HECTD2: variants seen among roughly 807,000 people sequenced by gnomAD.
HECTD2 encodes HECT domain E3 ubiquitin protein ligase 2, also known as probable E3 ubiquitin-protein ligase HECTD2.
A neutral mutation model predicts 103.2 loss-of-function variants in HECTD2; 35 were observed. The observed-to-expected ratio is 0.34, with a 90% CI of 0.26 to 0.45. The LOEUF is 0.45. Among genes scored for constraint, HECTD2 ranks in the 20% least tolerant of loss-of-function variants. HECTD2 has a pLI of 1.00. For missense variants in HECTD2, 596 were observed against 937.4 expected, an observed-to-expected ratio of 0.64 and a Z score of 4.76; for synonymous variants, 281 against 329.9, an observed-to-expected ratio of 0.85 and a Z score of 1.61.
At chr10:91,409,623 G>A (rs1842833074), upstream of HECTD2, among the ~76,000 whole-genome samples, 2 of 151,974 alleles carry the variant, frequency 1.3e-5, no homozygotes, top group Admixed American at 1.3e-4. Flanking sequence ...GGAAAGGGGG[G>A]GCCCACCACG....
Position 91,492,334 on chromosome 10 carries a change from T to C in HECTD2, c.1300-18T>C, listed in dbSNP as rs937209551. The C allele has an allele frequency of 5.6e-6, 9 of 1,606,490 alleles. No individual in the cohort carries two copies. The Admixed American group carries it at 1.5e-4, about 27-fold the overall frequency. ...CACTGCTCTTTGTTCTCCTCTACTG[T>C]ATAATATCTTCAAATAGCTAACCCG... On this transcript the variant is annotated intron_variant, in intron 12 of 20. Coordinates refer to ENST00000298068, the MANE Select transcript of HECTD2 (RefSeq NM_182765.6).
chr10:91,409,479 C>T (rs1472994425), upstream of HECTD2: 1 of 152,770 alleles, frequency 6.5e-6, no homozygotes, highest in African/African-American at 2.4e-5. Context: ...TAGGAGACAG[C>T]AAAGGGTTGC....
intron 2 of HECTD2, among the ~76,000 whole-genome samples, chr10:91,427,700 T>G (rs1843629561): frequency 6.6e-6 from 1 of 152,142 alleles, no homozygotes; most frequent in African/African-American, 2.4e-5. Context: ...GGGTTGTTTG[T>G]TTTTTTCTTG....
intron 2 of HECTD2, among the ~76,000 whole-genome samples, chr10:91,454,254 C>T (rs926456455): frequency 6.6e-6 from 1 of 152,040 alleles, no homozygotes; most frequent in Non-Finnish European, 1.5e-5. Context: ...GGACATACAG[C>T]AAAATGGATC....
At chr10:91,465,946 CAGA>C (rs1415673718) in intron 5 of HECTD2, among the ~76,000 whole-genome samples, 1 of 152,094 alleles carries the variant, frequency 6.6e-6, no homozygotes, top group African/African-American at 2.4e-5. Context: ...GCTGGCCTCA[CAGA>C]AGGACTTAGA....
intron 3 of HECTD2, 73 bp from the exon 4 acceptor site, chr10:91,461,181 C>T: frequency 1.5e-6 from 1 of 655,278 alleles, no homozygotes; most frequent in Admixed American, 2.9e-5. Flanking sequence ...TGTTTGGTGA[C>T]ATTAAAAAGT....
chr10:91,425,571 G>C (rs1843525921), intron 2 of HECTD2, among the ~76,000 whole-genome samples, 161 bp downstream of exon 2: 1 of 151,642 alleles, frequency 6.6e-6, no homozygotes, highest in Non-Finnish European at 1.5e-5. Context: ...ATTTTTAGGT[G>C]AATGTTACCT....
intron 20 of HECTD2, among the ~76,000 whole-genome samples, chr10:91,510,701 GAAA>G (rs141175665): frequency 6.6e-6 from 1 of 152,038 alleles, no homozygotes; most frequent in East Asian, 1.9e-4. Flanking sequence ...GAGCACTTTA[GAAA>G]AAAATATATT....
At chr10:91,451,532 AG>A (rs1844828050) in intron 2 of HECTD2, among the ~76,000 whole-genome samples, 1 of 152,080 alleles carries the variant, frequency 6.6e-6, no homozygotes, top group Admixed American at 6.6e-5. Flanking sequence ...TAAAAAAAAA[AG>A]ATACAAATTC....
chr10:91,511,360 C>A (rs1246542559), intron 20 of HECTD2, among the ~76,000 whole-genome samples: 2 of 152,080 alleles, frequency 1.3e-5, no homozygotes, highest in Non-Finnish European at 2.9e-5. Context: ...CATCTACTGT[C>A]CCCAAAATGC....
intron 1 of HECTD2, among the ~76,000 whole-genome samples, chr10:91,419,094 T>G (rs939392399): frequency 1.1e-4 from 16 of 152,168 alleles, no homozygotes; most frequent in African/African-American, 3.9e-4. Context: ...CAGCACTTAC[T>G]CCTTTTTTCA....
At chr10:91,454,843 G>A (rs1337683153) in intron 2 of HECTD2, among the ~76,000 whole-genome samples, 1 of 151,978 alleles carries the variant, frequency 6.6e-6, no homozygotes, top group African/African-American at 2.4e-5. Context: ...CCTTGCGATA[G>A]TTTGCTGAGA....
intron 18 of HECTD2, 127 bp from the exon 19 acceptor site, chr10:91,500,375 C>G: frequency 1.8e-4 from 55 of 306,146 alleles, no homozygotes; most frequent in East Asian, 3.4e-4. Context: ...GATTTTTCTT[C>G]AACAAAAATG....
chr10:91,501,394 A>T lies in HECTD2; in HGVS notation c.2210+60A>T, dbSNP rs1005492394. 91 of 1,073,078 alleles carry T rather than the reference A, an allele frequency of 8.5e-5. 2 individuals carry two copies. The highest frequency in any genetic ancestry group is 9.9e-5 in the Non-Finnish European group (74 of 744,842). 66.5% of individuals were successfully genotyped at this position (1,073,078 alleles called of 1,614,324 possible). A position where few individuals can be genotyped will look rare whatever the true frequency, so the allele number is the denominator to read the frequency against. ...AAGGTTACTGCTAATACTGCTAATG[A>T]TAATACATTTGGAATCAGGATGTGT... On this transcript the variant is annotated intron_variant, in intron 20 of 20. Coordinates refer to ENST00000298068, the MANE Select transcript of HECTD2 (RefSeq NM_182765.6).
chr10:91,503,654 C>T (rs189333208), intron 20 of HECTD2, among the ~76,000 whole-genome samples: 1,705 of 152,270 alleles, frequency 0.011, 34 homozygotes, highest in African/African-American at 0.039. Flanking sequence ...TGATGGCTAG[C>T]GCAGCAGTCT....
chr10:91,493,951 A>G (rs1011266950), intron 14 of HECTD2, among the ~76,000 whole-genome samples: 1 of 152,028 alleles, frequency 6.6e-6, no homozygotes, highest in Non-Finnish European at 1.5e-5. Flanking sequence ...GGAAGCATCC[A>G]TAAAAATTGA....
chr10:91,417,963 C>A (rs548400249), intron 1 of HECTD2, among the ~76,000 whole-genome samples: 131 of 152,270 alleles, frequency 8.6e-4, no homozygotes, highest in African/African-American at 3.1e-3. Flanking sequence ...AATGGTTGAA[C>A]TAGTTTACAG....
In HECTD2 at chr10:91,428,930, G is replaced by A. The variant is rs1240247122; in HGVS notation, c.268+3520G>A. On this transcript the variant is annotated intron_variant, in intron 2 of 20. Transcript: ENST00000298068. ...CAACACTATGTTGAATCGGAGTGGT[G>A]AGAGAGGGCATCCCTGTCTTGTGCC... is the stretch of plus-strand genomic sequence containing the variant. Among the ~76,000 whole-genome samples, 6 of 152,082 alleles carry A rather than the reference G, an allele frequency of 3.9e-5. No individual in the cohort carries two copies. In the South Asian group the frequency reaches 1.2e-3, roughly 32 times the overall value.
chr10:91,495,670 A>C (rs1846639453), intron 14 of HECTD2, among the ~76,000 whole-genome samples: 1 of 152,100 alleles, frequency 6.6e-6, no homozygotes, highest in Non-Finnish European at 1.5e-5. Context: ...TCCAAGTAAC[A>C]TAAGTCTTTC....
Sources: allele counts gnomAD v4.1 joint callset (sites outside exome capture counted in the v4.1 genomes callset), GRCh38; gene constraint gnomAD v4.1.1; transcripts MANE v1.5; gene names NCBI Gene and HGNC (gene_info 2026-07-23, HGNC 2026-07-21).